Variants in TENM2 observed in about 807,000 individuals in gnomAD.
The protein encoded by TENM2 is teneurin transmembrane protein 2, also known as teneurin-2.
TENM2 carries 52 observed loss-of-function variants against 245.2 expected under a neutral mutation model. The observed-to-expected ratio is 0.21, with a 90% confidence interval of 0.17 to 0.27. The LOEUF is 0.27. Ranked by LOEUF, TENM2 falls within the 10% of genes least tolerant of loss-of-function variation. The pLI is 1.00. For synonymous variants in TENM2, 1,363 were observed against 1,438.9 expected, an observed-to-expected ratio of 0.95 and a Z score of 1.19; for missense variants, 3,046 against 3,666.8, an observed-to-expected ratio of 0.83 and a Z score of 4.37.
exon 19 of TENM2, chr5:168,204,578 C>T (rs367708549): frequency 6.8e-6 from 11 of 1,613,982 alleles, no homozygotes; most frequent in South Asian, 2.2e-5. Flanking sequence ...TTACATCCGA[C>T]GCATCTTTCC....
the TENM2 span, among the ~76,000 whole-genome samples, chr5:167,208,993 G>A: frequency 5.9e-5 from 9 of 152,178 alleles, no homozygotes; most frequent in African/African-American, 2.2e-4. Flanking sequence ...TTCTATAGCT[G>A]TCAAGTGGGA....
intron 2 of TENM2, among the ~76,000 whole-genome samples, chr5:167,771,652 C>T (rs1763413166): frequency 6.6e-6 from 1 of 152,180 alleles, no homozygotes; most frequent in Non-Finnish European, 1.5e-5. Flanking sequence ...GACCAATCCT[C>T]TCTGAGCTTT....
chr5:167,688,561 T>C (rs908933671), intron 2 of TENM2, among the ~76,000 whole-genome samples: 1 of 152,326 alleles, frequency 6.6e-6, no homozygotes, highest in African/African-American at 2.4e-5. Context: ...GCTGGCAAAA[T>C]ACTCCATCGT....
intron 7 of TENM2, among the ~76,000 whole-genome samples, chr5:168,077,569 C>T (rs1375075171): frequency 1.3e-5 from 2 of 152,024 alleles, no homozygotes; most frequent in Non-Finnish European, 2.9e-5. Flanking sequence ...TAATGCTATC[C>T]CTCCCTGCTA....
intron 2 of TENM2, among the ~76,000 whole-genome samples, chr5:167,726,811 A>G (rs377025069): frequency 2.0e-4 from 30 of 152,152 alleles, no homozygotes; most frequent in Non-Finnish European, 2.2e-4. Flanking sequence ...TCTATGCCCA[A>G]ACCGTTGCTT....
intron 2 of TENM2, among the ~76,000 whole-genome samples, chr5:167,544,095 T>C (rs770726604): frequency 1.5e-4 from 23 of 152,202 alleles, no homozygotes; most frequent in Non-Finnish European, 7.3e-5. Flanking sequence ...TGGCTGACTG[T>C]ATTTTATCAT....
intron 23 of TENM2, among the ~76,000 whole-genome samples, chr5:168,220,287 C>G (rs948530217): frequency 2.0e-5 from 3 of 152,142 alleles, no homozygotes; most frequent in African/African-American, 7.2e-5. Flanking sequence ...TTTGTTGGCT[C>G]TCCTGAAAGA....
intron 2 of TENM2, among the ~76,000 whole-genome samples, chr5:167,513,394 A>G (rs1770103288): frequency 6.6e-6 from 1 of 152,208 alleles, no homozygotes; most frequent in Non-Finnish European, 1.5e-5. Context: ...ATACACGCTG[A>G]AACTGGAGTA....
At chr5:168,013,697 A>G (rs529240907) in intron 5 of TENM2, among the ~76,000 whole-genome samples, 2 of 152,328 alleles carry the variant, frequency 1.3e-5, no homozygotes, top group Admixed American at 1.3e-4. Context: ...TCTCTCTTAC[A>G]TACTTGTCCA....
At chr5:167,955,707 C>T (rs1780498475) in intron 4 of TENM2, among the ~76,000 whole-genome samples, 1 of 152,178 alleles carries the variant, frequency 6.6e-6, no homozygotes, top group Admixed American at 6.5e-5. Context: ...TTTTCCAACA[C>T]CATTTATTAA....
intron 2 of TENM2, chr5:167,653,307 T>C (rs1376202811): frequency 6.6e-6 from 1 of 152,236 alleles, no homozygotes; most frequent in African/African-American, 2.4e-5. Context: ...CAGGCTGGAA[T>C]GCAAGGGTGA....
At chr5:167,505,301 C>A (rs1769468949) in intron 2 of TENM2, among the ~76,000 whole-genome samples, 2 of 152,096 alleles carry the variant, frequency 1.3e-5, no homozygotes, top group African/African-American at 4.8e-5. Context: ...GCAAATTAGT[C>A]AAATGCAAAA....
intron 1 of TENM2, among the ~76,000 whole-genome samples, chr5:167,341,361 G>A (rs1172024164): frequency 6.6e-6 from 1 of 151,932 alleles, no homozygotes; most frequent in African/African-American, 2.4e-5. Context: ...AAACTACCGG[G>A]ATATCTGTGT....
chr5:167,070,162 G>C, the TENM2 span, among the ~76,000 whole-genome samples: 1 of 147,872 alleles, frequency 6.8e-6, no homozygotes, highest in African/African-American at 2.5e-5. Flanking sequence ...CTGTCGCCCA[G>C]GCTGGAGTGC....
chr5:167,060,067 T>A, the TENM2 span, among the ~76,000 whole-genome samples: 2 of 152,166 alleles, frequency 1.3e-5, no homozygotes, highest in African/African-American at 4.8e-5. Context: ...AATTAAAAAC[T>A]TTTTAATTAA....
At chr5:167,733,894 C>A (rs1277145972) in intron 2 of TENM2, among the ~76,000 whole-genome samples, 1 of 152,150 alleles carries the variant, frequency 6.6e-6, no homozygotes, top group African/African-American at 2.4e-5. Flanking sequence ...ACAGGGAAGG[C>A]ATCATCTTTC....
intron 2 of TENM2, among the ~76,000 whole-genome samples, chr5:167,478,828 G>A (rs1249897949): frequency 2.0e-5 from 3 of 152,102 alleles, no homozygotes; most frequent in Non-Finnish European, 4.4e-5. Context: ...AACCTCAAGT[G>A]CCTTGTTCTC....
At chr5:167,079,476 G>A in the TENM2 span, among the ~76,000 whole-genome samples, 2 of 150,798 alleles carry the variant, frequency 1.3e-5, no homozygotes, top group Admixed American at 6.6e-5. Context: ...ACCATGCCTG[G>A]CAAATTTTGT....
rs78764189 is a variant in TENM2 at position 168,229,432 on chromosome 5, A to C, written c.5520+1302A>C. On this transcript the variant is annotated intron_variant, in intron 25 of 28. Coordinates refer to ENST00000518659, the Ensembl canonical transcript of TENM2. ...CTAACCCCTTCCCTGGGGAGGGGGA[A>C]TGTAATGGCATACAAAGCAAAGGCC... Among the ~76,000 whole-genome samples, 1,061 of 152,296 alleles carry C rather than the reference A, an allele frequency of 7.0e-3. 9 individuals carry two copies. The highest frequency in any genetic ancestry group is 0.023 in the African/African-American group (972 of 41,562).
Sources: gnomAD v4.1 joint callset for allele counts (sites outside exome capture counted in the v4.1 genomes callset) on GRCh38, gnomAD v4.1.1 for gene constraint, MANE v1.5 for transcripts, NCBI Gene and HGNC (gene_info 2026-07-23, HGNC 2026-07-21) for gene names.